IPPK: variants seen among roughly 807,000 people sequenced by gnomAD.
The protein encoded by IPPK is IPK1 homolog.
IPPK carries 22 observed loss-of-function variants against 64.6 expected under a neutral mutation model. The observed-to-expected ratio is 0.34, with a 90% CI of 0.24 to 0.49. The LOEUF is 0.49. IPPK is among the 20% of genes least tolerant of loss of function. IPPK has a pLI of 0.99. For synonymous variants in IPPK, 262 were observed against 247.2 expected, an observed-to-expected ratio of 1.06 and a Z score of -0.56; for missense variants, 532 against 630.7, an observed-to-expected ratio of 0.84 and a Z score of 1.68.
At chr9:92,651,809 G>A (rs534655765) in intron 4 of IPPK, among the ~76,000 whole-genome samples, 57 of 152,288 alleles carry the variant, frequency 3.7e-4, no homozygotes, top group East Asian at 1.2e-3. Context: ...TCTGCCTCCC[G>A]GGTTCCAGCG....
intron 7 of IPPK, among the ~76,000 whole-genome samples, chr9:92,642,250 G>A (rs1852064917): frequency 6.6e-6 from 1 of 152,284 alleles, no homozygotes; most frequent in East Asian, 1.9e-4. Flanking sequence ...AGAGTAATGT[G>A]CAGGATGCAC....
intron 6 of IPPK, among the ~76,000 whole-genome samples, chr9:92,645,397 A>G (rs75196771): frequency 6.6e-6 from 1 of 151,554 alleles, no homozygotes; most frequent in South Asian, 2.1e-4. Context: ...GTCTAAAAAG[A>G]AAAAAAAAGA....
At chr9:92,648,996 C>G (rs1852203648) in intron 5 of IPPK, among the ~76,000 whole-genome samples, 1 of 152,232 alleles carries the variant, frequency 6.6e-6, no homozygotes, top group African/African-American at 2.4e-5. Context: ...AGAGAGCTCC[C>G]CAGTCTACAG....
rs1564024255 is a variant in IPPK, at chr9:92,615,829, G to GAGTT, written c.1475_*2dup. 2 of 1,603,034 alleles carry GAGTT rather than the reference G, an allele frequency of 1.2e-6. No individual in the cohort carries two copies. The highest frequency in any genetic ancestry group is 1.3e-5 in the African/African-American group (1 of 74,746). ...AAGTTTCAAAGACACTGCAGGGAAA[G>GAGTT]AGTTAGACCTTGTGGAGAACTAATG... On this transcript the variant is annotated 3_prime_UTR_variant, in exon 13 of 13. Coordinates refer to ENST00000287996, the MANE Select transcript of IPPK (RefSeq NM_022755.6).
intron 7 of IPPK, among the ~76,000 whole-genome samples, chr9:92,641,653 T>C: frequency 6.6e-6 from 1 of 152,208 alleles, no homozygotes; most frequent in East Asian, 1.9e-4. Context: ...CCAATGTTTG[T>C]GAACTTTTTA....
intron 1 of IPPK, among the ~76,000 whole-genome samples, chr9:92,661,634 C>T (rs548152584): frequency 2.0e-5 from 3 of 152,336 alleles, no homozygotes; most frequent in Admixed American, 1.3e-4. Flanking sequence ...AGAGCCACAA[C>T]CAACCAAGGA....
intron 1 of IPPK, among the ~76,000 whole-genome samples, chr9:92,667,618 G>C (rs958265082): frequency 6.6e-6 from 1 of 152,146 alleles, no homozygotes; most frequent in African/African-American, 2.4e-5. Flanking sequence ...AGCAAGTTTA[G>C]ATTTAAAATA....
rs181443538 is a variant in IPPK, at chr9:92,650,787, C to T, written c.293-1213G>A. On this transcript the variant is annotated intron_variant, in intron 4 of 12. Transcript: ENST00000287996. ...GCCCAGGAACTTGAAGAGGAGGGGGCTGCAGGCTCTACCTTCTCTCACATC... is the reference window on the plus strand; with the variant it reads ...GCCCAGGAACTTGAAGAGGAGGGGGTTGCAGGCTCTACCTTCTCTCACATC... Among the ~76,000 whole-genome samples, 1,098 of 152,286 alleles carry T rather than the reference C, an allele frequency of 7.2e-3. 6 individuals are homozygous for T. The highest frequency in any genetic ancestry group is 0.013 in the Admixed American group (206 of 15,300).
chr9:92,614,849 G>C lies in IPPK; in HGVS notation c.*983C>G, dbSNP rs1195679459. ...AGAACCCTCTCGGCAGCAGCCAGGAGCTGTTCACCTTCCAGAAGCAGGGCC... is the reference window on the plus strand; with the variant it reads ...AGAACCCTCTCGGCAGCAGCCAGGACCTGTTCACCTTCCAGAAGCAGGGCC... On this transcript the variant is annotated 3_prime_UTR_variant, in exon 13 of 13. Transcript: ENST00000287996. 1 of 152,658 alleles carries C rather than the reference G, an allele frequency of 6.6e-6. No homozygotes were observed. The highest frequency in any genetic ancestry group is 2.4e-5 in the African/African-American group (1 of 41,456). 9.5% of individuals were successfully genotyped at this position (152,658 alleles called of 1,614,324 possible).
chr9:92,641,158 G>A (rs553243882), intron 7 of IPPK, among the ~76,000 whole-genome samples: 2 of 152,300 alleles, frequency 1.3e-5, no homozygotes, highest in Admixed American at 6.5e-5. Context: ...TCCTCCTGCC[G>A]CAACTTCCAA....
chr9:92,637,008 A>G (rs908256306), intron 9 of IPPK, among the ~76,000 whole-genome samples: 5 of 152,176 alleles, frequency 3.3e-5, no homozygotes, highest in African/African-American at 1.2e-4. Context: ...ATAACAAGAA[A>G]AAAAAAACCC....
chr9:92,629,780 C>A (rs1293463778), intron 11 of IPPK, among the ~76,000 whole-genome samples: 1 of 150,574 alleles, frequency 6.6e-6, no homozygotes, highest in Non-Finnish European at 1.5e-5. Context: ...AAGTGGGCAA[C>A]AAGCACATGA....
At chr9:92,660,031 C>T (rs949869413) in intron 1 of IPPK, among the ~76,000 whole-genome samples, 14 of 152,052 alleles carry the variant, frequency 9.2e-5, no homozygotes, top group African/African-American at 2.9e-4. Context: ...AATCGACTGG[C>T]TAAGGATCAT....
intron 4 of IPPK, among the ~76,000 whole-genome samples, chr9:92,652,342 G>A (rs1216724138): frequency 1.3e-5 from 2 of 151,702 alleles, no homozygotes; most frequent in Non-Finnish European, 2.9e-5. Flanking sequence ...CCAGCTACTC[G>A]GGAGGCTGAG....
chr9:92,637,274 C>G (rs1360978669), intron 9 of IPPK, among the ~76,000 whole-genome samples: 1 of 152,226 alleles, frequency 6.6e-6, no homozygotes, highest in East Asian at 1.9e-4. Flanking sequence ...CAACTGCACT[C>G]TGGCCTGGGT....
rs536480995 is a variant in IPPK, at chr9:92,625,293, G to A, written c.1171-5728C>T. The stretch of plus-strand genomic sequence containing the variant: ...GGGAAACTGTCTTCAACTGTTGCAA[G>A]AAGAAATATAATTAGTAAAATCTTT... On this transcript the variant is annotated intron_variant, in intron 11 of 12. Transcript: ENST00000287996. Among the ~76,000 whole-genome samples, 3 of 152,264 alleles carry A rather than the reference G, an allele frequency of 2.0e-5. No individual in the cohort carries two copies. The South Asian group carries it at 6.2e-4, about 32-fold the overall frequency.
chr9:92,619,663 T>C (rs1233305835), intron 11 of IPPK, 98 bp from the exon 12 acceptor site: 4 of 1,104,720 alleles, frequency 3.6e-6, no homozygotes, highest in Admixed American at 4.0e-5. Context: ...AACTGCTTCC[T>C]GCCTCAGAAC....
At chr9:92,639,682 C>A (rs555091482) in intron 8 of IPPK, among the ~76,000 whole-genome samples, 1 of 152,118 alleles carries the variant, frequency 6.6e-6, no homozygotes, top group Non-Finnish European at 1.5e-5. Flanking sequence ...TCAAACAAAT[C>A]CCTGATGAAA....
chr9:92,655,144 G>C (rs910368544), intron 3 of IPPK, among the ~76,000 whole-genome samples: 22 of 152,314 alleles, frequency 1.4e-4, no homozygotes, highest in African/African-American at 5.3e-4. Flanking sequence ...TCTGTCTCAC[G>C]GTCTCATCAC....
Sources: gnomAD v4.1 joint callset for allele counts (sites outside exome capture counted in the v4.1 genomes callset) on GRCh38, gnomAD v4.1.1 for gene constraint, MANE v1.5 for transcripts, NCBI Gene and HGNC (gene_info 2026-07-23, HGNC 2026-07-21) for gene names.